Variants in MRTFB observed in about 807,000 individuals in gnomAD.
MRTFB encodes myocardin related transcription factor B, also known as myocardin-related transcription factor B.
A neutral mutation model predicts 104.2 loss-of-function variants in MRTFB; 29 were observed. The ratio of observed to expected loss-of-function variants is 0.28; its 90% CI spans 0.21 to 0.38. The LOEUF is 0.38. Ranked by LOEUF, MRTFB falls within the 10% of genes least tolerant of loss-of-function variation. MRTFB has a pLI of 1.00. For missense variants in MRTFB, 1,270 were observed against 1,341.6 expected (o/e 0.95, Z 0.83); for synonymous variants, 535 against 519.5 (o/e 1.03, Z -0.41).
chr16:14,186,912 A>G (rs1180660657), intron 3 of MRTFB: 2 of 1,598,198 alleles, frequency 1.3e-6, no homozygotes, highest in Non-Finnish European at 1.7e-6. Flanking sequence ...GAAGCCTCTC[A>G]CCATGATCGA....
chr16:14,261,147 C>T lies in MRTFB; in HGVS notation c.3003C>T (p.Ser1001=). ...CCAATGAAATTCCTCCACTACAAAG[C>T]AGCAGTGAAGACAGAGAGCCCTTCT... ...PSANEIPPLQ[S]SSEDREPFSL... The change falls in exon 17 of 17, where the codon AGC becomes AGT. Residue 1001 remains serine (S), a synonymous_variant. Coordinates refer to ENST00000571589, the MANE Select transcript of MRTFB (RefSeq NM_001308142.2). 2 of 1,614,208 alleles carry T rather than the reference C, an allele frequency of 1.2e-6. No homozygotes were observed. The highest frequency in any genetic ancestry group is 1.7e-6 in the Non-Finnish European group (2 of 1,180,030).
chr16:14,042,312 A>G, the MRTFB span, among the ~76,000 whole-genome samples: 2 of 152,028 alleles, frequency 1.3e-5, no homozygotes, highest in Non-Finnish European at 2.9e-5. Context: ...TTTAGTAGAG[A>G]TGGATTTTCA....
the MRTFB span, among the ~76,000 whole-genome samples, chr16:14,041,322 T>C: frequency 4.1e-3 from 631 of 152,358 alleles, no homozygotes; most frequent in Non-Finnish European, 6.5e-3. Context: ...TGAAAGTCTA[T>C]ACAAATTGAA....
At chr16:14,041,368 A>G in the MRTFB span, among the ~76,000 whole-genome samples, 11 of 152,208 alleles carry the variant, frequency 7.2e-5, no homozygotes, top group African/African-American at 2.7e-4. Context: ...AGCCCCCGGC[A>G]ACCGCAATTA....
chr16:14,130,561 G>C (rs1165366257), intron 2 of MRTFB, among the ~76,000 whole-genome samples: 4 of 152,166 alleles, frequency 2.6e-5, no homozygotes, highest in Non-Finnish European at 5.9e-5. Context: ...TGCCAGTGGT[G>C]TATGTTATTA....
intron 3 of MRTFB, chr16:14,170,380 A>G (rs961808158): frequency 2.6e-5 from 4 of 152,212 alleles, no homozygotes; most frequent in Admixed American, 1.3e-4. Flanking sequence ...TGCAACCACA[A>G]TCTGGGTGAC....
intron 1 of MRTFB, among the ~76,000 whole-genome samples, chr16:14,073,309 A>T (rs1389519112): frequency 6.6e-6 from 1 of 152,202 alleles, no homozygotes; most frequent in East Asian, 1.9e-4. Flanking sequence ...AGGCCCCCCA[A>T]ACCCTAAATG....
At position 14,217,142 on chromosome 16, in the gene MRTFB, A is replaced by G. The variant is rs1293443851; in HGVS notation, c.369A>G (p.Pro123=). The part of the protein sequence containing the change: ...MHILEETFAE[P]SLQATQMKLK... ...CTCTTTTAGAAACATTTGCAGAGCC[A>G]TCCCTGCAGGCTACTCAGATGAAGT... Residue 123 remains proline, a synonymous_variant, in exon 7 of 17, where the codon CCA becomes CCG. Coordinates refer to ENST00000571589, the MANE Select transcript of MRTFB (RefSeq NM_001308142.2). 35 of 1,608,712 alleles carry G rather than the reference A, an allele frequency of 2.2e-5. No homozygotes were observed. The highest frequency in any genetic ancestry group is 2.7e-5 in the Non-Finnish European group (32 of 1,178,478).
At chr16:14,213,698 C>G (rs531519070) in intron 6 of MRTFB, 78 bp downstream of exon 6, 11 of 1,125,480 alleles carry the variant, frequency 9.8e-6, no homozygotes, top group Middle Eastern at 2.1e-4. Context: ...TCTGTTTATT[C>G]CCATTTTAAT....
intron 3 of MRTFB, among the ~76,000 whole-genome samples, chr16:14,190,485 T>C (rs889859746): frequency 4.6e-5 from 7 of 152,206 alleles, no homozygotes; most frequent in Non-Finnish European, 1.0e-4. Context: ...ATGTGGGTCA[T>C]TATTGAGATA....
chr16:14,087,402 A>G (rs1262841227), intron 2 of MRTFB, among the ~76,000 whole-genome samples: 10 of 152,118 alleles, frequency 6.6e-5, no homozygotes, highest in African/African-American at 1.9e-4. Context: ...GGCATGCTGG[A>G]AATTTATCTT....
intron 3 of MRTFB, among the ~76,000 whole-genome samples, chr16:14,192,876 G>C (rs931787109): frequency 5.9e-5 from 9 of 152,108 alleles, no homozygotes; most frequent in African/African-American, 2.2e-4. Context: ...GCTCCTGCCA[G>C]GAACCTAGTT....
At chr16:14,256,072 C>T (rs1465763053) in intron 15 of MRTFB, among the ~76,000 whole-genome samples, 1 of 145,694 alleles carries the variant, frequency 6.9e-6, no homozygotes, top group African/African-American at 2.6e-5. Context: ...GAGGCTGTGC[C>T]ACTGCACTCC....
chr16:14,171,252 T>G (rs1029650943), intron 3 of MRTFB, among the ~76,000 whole-genome samples: 3 of 152,216 alleles, frequency 2.0e-5, no homozygotes, highest in Admixed American at 6.5e-5. Context: ...ATGTGTTCAT[T>G]GTTTCTAGAT....
chr16:14,222,336 C>T (rs1448563273), intron 8 of MRTFB, among the ~76,000 whole-genome samples: 1 of 152,192 alleles, frequency 6.6e-6, no homozygotes, highest in African/African-American at 2.4e-5. Flanking sequence ...CTACAGCCCA[C>T]AGGCTGCATG....
chr16:14,034,274 C>G, the MRTFB span, among the ~76,000 whole-genome samples: 1 of 152,202 alleles, frequency 6.6e-6, no homozygotes, highest in African/African-American at 2.4e-5. Flanking sequence ...CCTGTCCCCA[C>G]CTCTCTTCCA....
chr16:14,247,483 C>G lies in MRTFB; in HGVS notation c.2223C>G (p.Leu741=). The change falls in exon 12 of 17, where the codon CTC becomes CTG. Residue 741 remains leucine (L), a synonymous_variant. Coordinates refer to ENST00000571589, the MANE Select transcript of MRTFB (RefSeq NM_001308142.2). The stretch of plus-strand genomic sequence containing the variant: ...GCTCGAGTGTCACCTCAGTGCAACT[C>G]CCTGTAGGCAGCCTCAAACTCCAGG... ...IQGSSVTSVQ[L]PVGSLKLQTS... The G allele has an allele frequency of 1.9e-6, 3 of 1,569,806 alleles. No homozygotes were observed. Among genetic ancestry groups the G allele is most frequent in the Non-Finnish European group, 2.6e-6 (3 of 1,162,924 alleles).
At chr16:14,231,779 A>T (rs1022819113) in intron 8 of MRTFB, among the ~76,000 whole-genome samples, 1 of 152,044 alleles carries the variant, frequency 6.6e-6, no homozygotes, top group Non-Finnish European at 1.5e-5. Flanking sequence ...TAGGAGCCTG[A>T]CCCCTTGATA....
chr16:14,052,739 C>CAAAA, the MRTFB span, among the ~76,000 whole-genome samples: 6 of 74,712 alleles, frequency 8.0e-5, no homozygotes, highest in Non-Finnish European at 9.0e-5. Flanking sequence ...AACTCCATCT[C>CAAAA]AAAAAAAAAA....
Sources: allele counts gnomAD v4.1 joint callset (sites outside exome capture counted in the v4.1 genomes callset), GRCh38; gene constraint gnomAD v4.1.1; transcripts MANE v1.5; gene names NCBI Gene and HGNC (gene_info 2026-07-23, HGNC 2026-07-21).